MAP4K3: variants seen among roughly 807,000 people sequenced by gnomAD.
MAP4K3 encodes the protein mitogen-activated protein kinase kinase kinase kinase 3.
Under a neutral mutation model 143.5 loss-of-function variants are expected in MAP4K3, and 94 were observed. The observed-to-expected ratio is 0.65, with a 90% CI of 0.55 to 0.78. The LOEUF is 0.78. Among genes scored for constraint, MAP4K3 ranks in the 30% least tolerant of loss-of-function variants. MAP4K3 has a pLI of 0.00. For missense variants in MAP4K3, 1,077 were observed against 1,068.1 expected, an observed-to-expected ratio of 1.01 and a Z score of -0.12; for synonymous variants, 416 against 347.2, an observed-to-expected ratio of 1.20 and a Z score of -2.20.
In MAP4K3 at chr2:39,433,083, T is replaced by A. The variant is rs1665343803; in HGVS notation, c.96+3809A>T. Among the ~76,000 whole-genome samples the A allele has an allele frequency of 2.0e-5, 3 of 152,204 alleles. No individual in the cohort carries two copies. The South Asian group carries it at 6.2e-4, about 32-fold the overall frequency. ...CTTTACCATAGGACTTCTCAGTCTT[T>A]AACCTACTCATGGTATGGCTTTTCC... On this transcript the variant is annotated intron_variant, in intron 1 of 33. Transcript: ENST00000263881.
chr2:39,332,547 A>C (rs1427403392), intron 7 of MAP4K3, among the ~76,000 whole-genome samples: 2 of 152,058 alleles, frequency 1.3e-5, no homozygotes, highest in Non-Finnish European at 2.9e-5. Context: ...TCTTTTAGAT[A>C]AGTATTTGGA....
chr2:39,287,817 G>A (rs1681864102), intron 20 of MAP4K3, among the ~76,000 whole-genome samples: 1 of 152,180 alleles, frequency 6.6e-6, no homozygotes, highest in Admixed American at 6.5e-5. Context: ...TTCCATGTTT[G>A]TTCATAGTTT....
intron 1 of MAP4K3, among the ~76,000 whole-genome samples, chr2:39,409,448 G>A (rs1667180102): frequency 6.6e-6 from 1 of 152,190 alleles, no homozygotes; most frequent in Admixed American, 6.5e-5. Context: ...CCACTTGGAA[G>A]CTGGCTGCAG....
chr2:39,314,751 G>T (rs559216022), intron 13 of MAP4K3, among the ~76,000 whole-genome samples: 183 of 152,318 alleles, frequency 1.2e-3, no homozygotes, highest in African/African-American at 4.3e-3. Context: ...TAACTTGGCT[G>T]CCCCTAAGAA....
chr2:39,296,540 G>C (rs948783661), intron 16 of MAP4K3, among the ~76,000 whole-genome samples: 2 of 152,106 alleles, frequency 1.3e-5, no homozygotes, highest in Non-Finnish European at 2.9e-5. Context: ...ATGAAACAAT[G>C]TACAAACAGA....
intron 12 of MAP4K3, among the ~76,000 whole-genome samples, chr2:39,316,864 AG>A (rs557312020): frequency 1.2e-3 from 190 of 152,250 alleles, no homozygotes; most frequent in Non-Finnish European, 2.1e-3. Context: ...AATTAGACAA[AG>A]GCCATGTAGA....
In MAP4K3 at chr2:39,325,620, A is replaced by G. The variant is rs1683464615; in HGVS notation, c.816T>C (p.Phe272=). 1.2e-6 allele frequency: 2 copies of G among 1,611,908 alleles called. No individual in the cohort carries two copies. The highest frequency in any genetic ancestry group is 4.5e-5 in the East Asian group (2 of 44,768). Residue 272 remains phenylalanine, a synonymous_variant, in exon 12 of 34, where the codon TTT becomes TTC. Transcript: ENST00000263881. ...PTAEKLLQHP[F]VTQHLTRSLA... Reference sequence around the variant, plus strand: ...AAGACCGTGTCAAATGTTGTGTTACAAAAGGATGCTATAAAAATTAAATAC... The same window carrying G: ...AAGACCGTGTCAAATGTTGTGTTACGAAAGGATGCTATAAAAATTAAATAC...
chr2:39,342,366 G>A (rs1665168923), intron 4 of MAP4K3, among the ~76,000 whole-genome samples: 1 of 152,064 alleles, frequency 6.6e-6, no homozygotes. Context: ...CTGACCTCAG[G>A]TGATCTGCCC....
chr2:39,333,404 A>G, intron 7 of MAP4K3, 128 bp downstream of exon 7: 1 of 686,298 alleles, frequency 1.5e-6, no homozygotes, highest in Non-Finnish European at 2.6e-6. Context: ...CATGGCAACG[A>G]GATTTCCATC....
At chr2:39,265,418 C>G in intron 27 of MAP4K3, 112 bp from the exon 28 acceptor site, 1 of 767,568 alleles carries the variant, frequency 1.3e-6, no homozygotes, top group South Asian at 1.5e-5. Context: ...AAAACAAAAT[C>G]AAAAGCTGGT....
Position 39,299,838 on chromosome 2 carries a change from GTA to G in MAP4K3, c.1120-39_1120-38del, listed in dbSNP as rs560831736. On this transcript the variant is annotated intron_variant, in intron 15 of 33. Coordinates refer to ENST00000263881, the MANE Select transcript of MAP4K3 (RefSeq NM_003618.4). ...AAATAAAATATTTAGCACAATAGTA[GTA>G]TATGACACACCATGATACATTAATA... The G allele has an allele frequency of 4.5e-5, 47 of 1,054,634 alleles. 1 individual carries two copies. The East Asian group carries it at 8.5e-4, about 19-fold the overall frequency. 65.3% of individuals were successfully genotyped at this position (1,054,634 alleles called of 1,614,324 possible). A position where few individuals can be genotyped will look rare whatever the true frequency, so the allele number is the denominator to read the frequency against.
chr2:39,423,368 T>C (rs753177511), intron 1 of MAP4K3, among the ~76,000 whole-genome samples: 8 of 152,230 alleles, frequency 5.3e-5, no homozygotes, highest in Non-Finnish European at 8.8e-5. Flanking sequence ...CAGTTTCTTA[T>C]AGAGCTAAAA....
chr2:39,272,583 T>A (rs763318422), intron 24 of MAP4K3, 41 bp from the exon 25 acceptor site: 13 of 1,506,710 alleles, frequency 8.6e-6, no homozygotes, highest in Non-Finnish European at 1.2e-5. Flanking sequence ...GAATAATACA[T>A]AATGGCAATG....
At chr2:39,302,535 C>G (rs1682551639) in intron 15 of MAP4K3, among the ~76,000 whole-genome samples, 1 of 152,126 alleles carries the variant, frequency 6.6e-6, no homozygotes, top group Admixed American at 6.6e-5. Flanking sequence ...TTGGGGCAGT[C>G]TAAGAAAGAC....
At position 39,287,202 on chromosome 2, in the gene MAP4K3, G is replaced by A. The variant is rs540635912; in HGVS notation, c.1475-238C>T. On this transcript the variant is annotated intron_variant, in intron 20 of 33. Transcript: ENST00000263881. ...AAATTCAGGTTGTGTATAAGTGCAT[G>A]TATTTGTTAGCATTAAAAAACCAAA... is the stretch of plus-strand genomic sequence containing the variant. 2.0e-5 allele frequency among the ~76,000 whole-genome samples: 3 copies of A among 152,122 alleles called. No individual in the cohort carries two copies. The East Asian group carries it at 5.8e-4, about 29-fold the overall frequency.
At chr2:39,315,735 T>G in intron 12 of MAP4K3, among the ~76,000 whole-genome samples, 1 of 152,136 alleles carries the variant, frequency 6.6e-6, no homozygotes, top group Admixed American at 6.5e-5. Context: ...CAAGTACACT[T>G]GAGTATCCTG....
At chr2:39,290,020 G>A (rs570213335) in intron 19 of MAP4K3, among the ~76,000 whole-genome samples, 3 of 150,834 alleles carry the variant, frequency 2.0e-5, no homozygotes, top group Admixed American at 6.6e-5. Flanking sequence ...CCGAGAGGAG[G>A]AGGCTGCAGT....
chr2:39,381,259 T>C (rs1666349762), intron 1 of MAP4K3, among the ~76,000 whole-genome samples: 1 of 152,260 alleles, frequency 6.6e-6, no homozygotes, highest in Non-Finnish European at 1.5e-5. Flanking sequence ...CATTTTTGTG[T>C]GGACCTGTTT....
chr2:39,358,724 T>A (rs559424522), intron 2 of MAP4K3, among the ~76,000 whole-genome samples: 32 of 152,298 alleles, frequency 2.1e-4, no homozygotes, highest in Non-Finnish European at 4.6e-4. Context: ...TAGAGTTTAA[T>A]ACATTAATAA....
Sources: allele counts gnomAD v4.1 joint callset (sites outside exome capture counted in the v4.1 genomes callset), GRCh38; gene constraint gnomAD v4.1.1; transcripts MANE v1.5; gene names NCBI Gene and HGNC (gene_info 2026-07-23, HGNC 2026-07-21).